Variants in APBA2 observed in about 807,000 individuals in gnomAD.
The protein encoded by APBA2 is amyloid beta precursor protein binding family A member 2, also known as amyloid-beta A4 precursor protein-binding family A member 2.
In APBA2, 30 loss-of-function variants were observed where a neutral mutation model predicts 75.0. That is an observed-to-expected ratio of 0.40 (90% CI 0.30 to 0.54). The LOEUF (loss-of-function observed/expected upper bound fraction) is 0.54, where lower values mean the gene tolerates loss of function less well. Among genes scored for constraint, APBA2 ranks in the 20% least tolerant of loss-of-function variants. The probability of loss-of-function intolerance (pLI) is 0.49; values close to 1 mark genes in which losing one functional copy is unlikely to be tolerated. For synonymous variants in APBA2, 444 were observed against 409.6 expected, an observed-to-expected ratio of 1.08 and a Z score of -1.01; for missense variants, 801 against 1,016.1, an observed-to-expected ratio of 0.79 and a Z score of 2.88.
In APBA2 at chr15:29,051,471, C is replaced by T. The variant is rs560129290; in HGVS notation, c.-40-2374C>T. ...GCCATGGACAAGCCTGTGCAGGTGG[C>T]GGAGTAAACATTGCTTCTTTAGATG... is the stretch of plus-strand genomic sequence containing the variant. On this transcript the variant is annotated intron_variant, in intron 3 of 14. Transcript: ENST00000683413. Among the ~76,000 whole-genome samples, 9 of 152,168 alleles carry T rather than the reference C, an allele frequency of 5.9e-5. No homozygotes were observed. The South Asian group carries it at 8.3e-4, about 14-fold the overall frequency.
At chr15:28,944,308 A>C (rs1180152910) in intron 2 of APBA2, among the ~76,000 whole-genome samples, 1 of 152,090 alleles carries the variant, frequency 6.6e-6, no homozygotes, top group Non-Finnish European at 1.5e-5. Flanking sequence ...GCCTCTTGCC[A>C]TCCTCTATTT....
rs2041338950 is a variant in APBA2 at position 29,046,477 on chromosome 15, GGT to G, written c.-40-7366_-40-7365del. Among the ~76,000 whole-genome samples, 1 of 152,216 alleles carries G rather than the reference GGT, an allele frequency of 6.6e-6. No homozygotes were observed. Among genetic ancestry groups the G allele is most frequent in the Non-Finnish European group, 1.5e-5 (1 of 68,040 alleles). Reference sequence around the variant, plus strand: ...AGTAGGGGAAGAAGGCTTGGAATGTGGTGGGCCTAGGCTTCTTGGTGAGGGCC... The same window carrying G: ...AGTAGGGGAAGAAGGCTTGGAATGTGGGGCCTAGGCTTCTTGGTGAGGGCC... On this transcript the variant is annotated intron_variant, in intron 3 of 14. Transcript: ENST00000683413. The surrounding 1 kb of genome is among the most constrained non-coding windows in gnomAD (Gnocchi z 5.0).
At chr15:28,958,088 A>G (rs1210009098) in intron 2 of APBA2, among the ~76,000 whole-genome samples, 1 of 152,202 alleles carries the variant, frequency 6.6e-6, no homozygotes, top group African/African-American at 2.4e-5. Flanking sequence ...TCCTGGGAAC[A>G]TGAGAGGATT....
intron 1 of APBA2, among the ~76,000 whole-genome samples, chr15:28,900,323 G>A (rs1013628599): frequency 6.6e-6 from 1 of 152,198 alleles, no homozygotes; most frequent in Non-Finnish European, 1.5e-5. Flanking sequence ...CATCAGCGTC[G>A]TGGTGACGGC....
At chr15:28,985,955 A>G (rs563613034) in intron 2 of APBA2, among the ~76,000 whole-genome samples, 2 of 152,332 alleles carry the variant, frequency 1.3e-5, no homozygotes, top group East Asian at 3.9e-4. Flanking sequence ...TGGGCTTGCC[A>G]GACACCTCCA....
intron 3 of APBA2, among the ~76,000 whole-genome samples, chr15:29,028,404 C>G (rs1225711798): frequency 6.6e-6 from 1 of 152,130 alleles, no homozygotes; most frequent in Non-Finnish European, 1.5e-5. Flanking sequence ...TCCAGTCTTT[C>G]ATTGATGGGC....
chr15:29,017,377 CCA>C (rs2039715583), intron 3 of APBA2, among the ~76,000 whole-genome samples: 1 of 147,282 alleles, frequency 6.8e-6, no homozygotes, highest in Admixed American at 6.8e-5. Context: ...TCATATTTTT[CCA>C]TCTTCTTTTC....
intron 13 of APBA2, among the ~76,000 whole-genome samples, chr15:29,109,002 T>C (rs1319556899): frequency 6.6e-6 from 1 of 152,174 alleles, no homozygotes; most frequent in African/African-American, 2.4e-5. Flanking sequence ...GCCTGAATTC[T>C]TTTTTCCTTT....
chr15:29,058,146 G>C (rs556154961), intron 4 of APBA2, among the ~76,000 whole-genome samples: 1 of 152,094 alleles, frequency 6.6e-6, no homozygotes, highest in Non-Finnish European at 1.5e-5. Flanking sequence ...GGATTTAATT[G>C]GATGTTTCCT....
chr15:29,039,267 G>GT lies in APBA2; in HGVS notation c.-40-14577dup, dbSNP rs372707293. Among the ~76,000 whole-genome samples, 596 of 151,418 alleles carry GT rather than the reference G, an allele frequency of 3.9e-3. 5 individuals carry two copies. The highest frequency in any genetic ancestry group is 0.014 in the African/African-American group (562 of 41,218). ...GTTTTATGTGTTATTAAAGAAGGTC[G>GT]TATCTTATTACCACAAAGACCTGGG... On this transcript the variant is annotated intron_variant, in intron 3 of 14. Transcript: ENST00000683413.
In APBA2 at chr15:29,117,681, T is replaced by TGATA. The variant is rs1467601109; in HGVS notation, c.*551_*552insAGAT. On this transcript the variant is annotated 3_prime_UTR_variant, in exon 15 of 15. Transcript: ENST00000683413. ...GTTTGGGGACATGTGATTGATTGAT[T>TGATA]GATTGTAAATAAAGGATGATGGCCA... 6.2e-6 allele frequency: 1 copy of TGATA among 160,890 alleles called. No homozygotes were observed. The highest frequency in any genetic ancestry group is 1.4e-5 in the Non-Finnish European group (1 of 73,060). 10.0% of individuals were successfully genotyped at this position (160,890 alleles called of 1,614,324 possible).
chr15:28,948,260 C>G (rs2152717276), intron 2 of APBA2, among the ~76,000 whole-genome samples: 1 of 152,312 alleles, frequency 6.6e-6, no homozygotes, highest in East Asian at 1.9e-4. Context: ...GGGCTGAGGC[C>G]ACGGCGCTTT....
intron 1 of APBA2, among the ~76,000 whole-genome samples, chr15:28,903,735 G>A (rs1028043962): frequency 6.6e-6 from 1 of 152,208 alleles, no homozygotes; most frequent in Non-Finnish European, 1.5e-5. Context: ...GCAAGATGAT[G>A]TGAGTCATGA....
intron 3 of APBA2, among the ~76,000 whole-genome samples, chr15:29,044,140 G>A (rs1313137405): frequency 6.6e-6 from 1 of 152,198 alleles, no homozygotes; most frequent in African/African-American, 2.4e-5. Context: ...CACCCAGCCT[G>A]TATTGTGGTC....
chr15:28,910,173 C>G (rs1352724259), intron 1 of APBA2, among the ~76,000 whole-genome samples: 1 of 152,176 alleles, frequency 6.6e-6, no homozygotes, highest in African/African-American at 2.4e-5. Context: ...TAAGCACTTT[C>G]AGCATTTGCT....
At chr15:28,999,582 G>C (rs1319493240) in intron 3 of APBA2, among the ~76,000 whole-genome samples, 1 of 152,136 alleles carries the variant, frequency 6.6e-6, no homozygotes, top group Non-Finnish European at 1.5e-5. Flanking sequence ...TTCATGTCCT[G>C]TTTATCAAGG....
At chr15:29,090,948 G>A (rs2043537270) in intron 6 of APBA2, among the ~76,000 whole-genome samples, 1 of 147,600 alleles carries the variant, frequency 6.8e-6, no homozygotes, top group Non-Finnish European at 1.5e-5. Context: ...AAGCCCCCCA[G>A]CTAGGCAGAT....
At chr15:28,909,179 A>G (rs576915674) in intron 1 of APBA2, among the ~76,000 whole-genome samples, 18 of 151,388 alleles carry the variant, frequency 1.2e-4, no homozygotes, top group African/African-American at 3.6e-4. Flanking sequence ...TTTAGTAGAG[A>G]TGGGGTTTCA....
In APBA2 at chr15:29,098,506, C is replaced by T. The variant is rs765140878; in HGVS notation, c.1268C>T (p.Ala423Val). Reference sequence around the variant, plus strand: ...CCTTCTTAGAATTCTGAGGGGGATGCCCAGACGCTGACGGAAGTGGACCTC... The same window carrying T: ...CCTTCTTAGAATTCTGAGGGGGATGTCCAGACGCTGACGGAAGTGGACCTC... ...IKKKANSEGD[A>V]QTLTEVDLFI... The change falls in exon 9 of 15, where the codon GCC becomes GTC. Residue 423 changes from alanine (A) to valine (V), a missense_variant. Coordinates refer to ENST00000683413, the MANE Select transcript of APBA2 (RefSeq NM_001353788.2). 3.5e-5 allele frequency: 57 copies of T among 1,613,854 alleles called. No homozygotes were observed. The highest frequency in any genetic ancestry group is 4.1e-5 in the Non-Finnish European group (48 of 1,179,868).
Sources: gnomAD v4.1 joint callset for allele counts (sites outside exome capture counted in the v4.1 genomes callset) on GRCh38, gnomAD v4.1.1 for gene constraint, Gnocchi (gnomAD v3.1) non-coding constraint, MANE v1.5 for transcripts, NCBI Gene and HGNC (gene_info 2026-07-23, HGNC 2026-07-21) for gene names.